Variants in DNAJC3 observed in about 807,000 individuals in gnomAD.
The protein encoded by DNAJC3 is dnaJ homolog subfamily C member 3.
In DNAJC3, 38 loss-of-function variants were observed where a neutral mutation model predicts 68.6. The ratio of observed to expected loss-of-function variants is 0.55; its 90% CI spans 0.43 to 0.73. The LOEUF is 0.73. Among genes scored for constraint, DNAJC3 ranks in the 30% least tolerant of loss-of-function variants. The pLI is 0.00. For missense variants in DNAJC3, 526 were observed against 591.9 expected (o/e 0.89, Z 1.16); for synonymous variants, 203 against 204.0 (o/e 1.00, Z 0.04).
chr13:95,775,652 GTAACTA>G (rs1319331267), intron 9 of DNAJC3, among the ~76,000 whole-genome samples: 1 of 152,014 alleles, frequency 6.6e-6, no homozygotes, highest in Non-Finnish European at 1.5e-5. Flanking sequence ...ATTATTTCCT[GTAACTA>G]TAATTGTGTA....
chr13:95,756,231 C>T (rs867538802), intron 4 of DNAJC3, among the ~76,000 whole-genome samples: 1 of 152,192 alleles, frequency 6.6e-6, no homozygotes, highest in African/African-American at 2.4e-5. Context: ...CATTCATACT[C>T]TCTCCGATGG....
intron 4 of DNAJC3, chr13:95,742,910 T>C (rs1286030059): frequency 2.1e-6 from 1 of 474,820 alleles, no homozygotes; most frequent in East Asian, 6.2e-5. Context: ...TATGGTTTTG[T>C]GTTTTATTTT....
chr13:95,753,434 G>A (rs571862583), intron 4 of DNAJC3, among the ~76,000 whole-genome samples: 1 of 152,102 alleles, frequency 6.6e-6, no homozygotes, highest in Admixed American at 6.5e-5. Context: ...ACTGCAGAAT[G>A]TAATGTTGCA....
At chr13:95,761,833 A>G (rs886528220) in intron 7 of DNAJC3, among the ~76,000 whole-genome samples, 1 of 151,766 alleles carries the variant, frequency 6.6e-6, no homozygotes, top group Non-Finnish European at 1.5e-5. Context: ...CAGTCATAGT[A>G]CACTCAAGTG....
At chr13:95,716,169 C>CA (rs1440835543) in intron 2 of DNAJC3, among the ~76,000 whole-genome samples, 1 of 152,016 alleles carries the variant, frequency 6.6e-6, no homozygotes, top group Admixed American at 6.6e-5. Context: ...AAAACAAAAA[C>CA]AAAAAATCCC....
At position 95,697,442 on chromosome 13, in the gene DNAJC3, G is replaced by C. The variant is rs560083799; in HGVS notation, c.83-11785G>C. On this transcript the variant is annotated intron_variant, in intron 1 of 11. Transcript: ENST00000602402. Reference sequence around the variant, plus strand: ...CCTTTGTCAATGATTTGACACTTCTGTCTAACTGCTTTTAAGATTCGCTGA... The same window carrying C: ...CCTTTGTCAATGATTTGACACTTCTCTCTAACTGCTTTTAAGATTCGCTGA... 6.6e-5 allele frequency among the ~76,000 whole-genome samples: 10 copies of C among 152,246 alleles called. No homozygotes were observed. In the South Asian group the frequency reaches 2.1e-3, roughly 32 times the overall value.
At chr13:95,725,581 G>C (rs17879851) in intron 4 of DNAJC3, among the ~76,000 whole-genome samples, 6 of 151,690 alleles carry the variant, frequency 4.0e-5, no homozygotes, top group Non-Finnish European at 7.4e-5. Context: ...TAAAGCCCTT[G>C]TTAATCCTTA....
At chr13:95,768,744 G>A (rs1883079264) in intron 9 of DNAJC3, among the ~76,000 whole-genome samples, 1 of 151,956 alleles carries the variant, frequency 6.6e-6, no homozygotes, top group Non-Finnish European at 1.5e-5. Flanking sequence ...GGAGGCCGAG[G>A]TGGGTGGATC....
intron 4 of DNAJC3, among the ~76,000 whole-genome samples, chr13:95,725,917 A>T (rs1881499845): frequency 6.8e-6 from 1 of 148,034 alleles, no homozygotes. Context: ...GAGTGAGAAC[A>T]TGCGGTGTTT....
At chr13:95,711,677 G>A (rs1426224886) in intron 2 of DNAJC3, among the ~76,000 whole-genome samples, 1 of 152,014 alleles carries the variant, frequency 6.6e-6, no homozygotes, top group Non-Finnish European at 1.5e-5. Context: ...AATTTTAAAT[G>A]GGTATAAGCC....
rs1328429593 is a variant in DNAJC3 at position 95,793,527 on chromosome 13, T to C, written c.*2497T>C. ...TTTTTTGAGACAGAATCTTGCTCTG[T>C]TGCCCAGGCTGGAGTGCAGGGACAC... On this transcript the variant is annotated 3_prime_UTR_variant, in exon 12 of 12. Coordinates refer to ENST00000602402, the MANE Select transcript of DNAJC3 (RefSeq NM_006260.5). The C allele has an allele frequency of 1.3e-5, 2 of 149,872 alleles. No individual in the cohort carries two copies. The highest frequency in any genetic ancestry group is 2.9e-5 in the Non-Finnish European group (2 of 68,180). 9.3% of individuals were successfully genotyped at this position (149,872 alleles called of 1,614,324 possible). A position where few individuals can be genotyped will look rare whatever the true frequency, so the allele number is the denominator to read the frequency against.
rs78319935 is a variant in DNAJC3, at chr13:95,758,272, C to T, written c.546+476C>T. Among the ~76,000 whole-genome samples, 28 of 151,948 alleles carry T rather than the reference C, an allele frequency of 1.8e-4. 1 individual carries two copies. The South Asian group carries it at 3.3e-3, about 18-fold the overall frequency. ...GGATCACTTGAGCCCAAGAATTTGT[C>T]GCTGCAGTGAGCTGTGATTGCTCCA... On this transcript the variant is annotated intron_variant, in intron 5 of 11. Transcript: ENST00000602402.
intron 4 of DNAJC3, among the ~76,000 whole-genome samples, chr13:95,744,362 C>G (rs1255306584): frequency 2.6e-5 from 4 of 151,954 alleles, no homozygotes; most frequent in African/African-American, 9.7e-5. Flanking sequence ...AGATGGGAGA[C>G]CAAGTTAAAT....
chr13:95,686,080 G>A (rs761373857), intron 1 of DNAJC3, among the ~76,000 whole-genome samples: 111 of 151,892 alleles, frequency 7.3e-4, no homozygotes, highest in Non-Finnish European at 1.4e-3. Context: ...TCCTGCCTCA[G>A]CCTCCTAAGC....
At chr13:95,707,093 A>G (rs1294486182) in intron 1 of DNAJC3, among the ~76,000 whole-genome samples, 1 of 152,222 alleles carries the variant, frequency 6.6e-6, no homozygotes, top group Non-Finnish European at 1.5e-5. Context: ...ACTTCAGATC[A>G]TCAGGCTTTA....
chr13:95,687,757 G>C (rs1371093147), intron 1 of DNAJC3, among the ~76,000 whole-genome samples: 2 of 152,006 alleles, frequency 1.3e-5, no homozygotes, highest in African/African-American at 4.8e-5. Context: ...GGCTATTCAG[G>C]TTCTTTTTTG....
chr13:95,770,361 A>G (rs574569225), intron 9 of DNAJC3, among the ~76,000 whole-genome samples: 1 of 152,324 alleles, frequency 6.6e-6, no homozygotes, highest in Non-Finnish European at 1.5e-5. Flanking sequence ...AGTGCTTTGA[A>G]TAGAGTTGGT....
intron 4 of DNAJC3, among the ~76,000 whole-genome samples, chr13:95,740,642 G>C (rs1194174911): frequency 3.9e-5 from 6 of 152,184 alleles, no homozygotes; most frequent in Admixed American, 3.3e-4. Context: ...CACTTCCCAA[G>C]TGAGGCAATG....
intron 7 of DNAJC3, among the ~76,000 whole-genome samples, 173 bp from the exon 8 acceptor site, chr13:95,763,470 A>T (rs1214992350): frequency 2.0e-5 from 3 of 152,194 alleles, no homozygotes; most frequent in African/African-American, 7.2e-5. Flanking sequence ...ACTCTTAATT[A>T]TGGAGTGTAC....
Sources: allele counts gnomAD v4.1 joint callset (sites outside exome capture counted in the v4.1 genomes callset), GRCh38; gene constraint gnomAD v4.1.1; transcripts MANE v1.5; gene names NCBI Gene and HGNC (gene_info 2026-07-23, HGNC 2026-07-21).